The following RNF10 variants were observed in gnomAD, a reference collection of about 807,000 sequenced individuals.
RNF10 encodes the protein E3 ubiquitin-protein ligase RNF10.
Under a neutral mutation model 91.4 loss-of-function variants are expected in RNF10, and 38 were observed. The ratio of observed to expected loss-of-function variants is 0.42; its 90% CI spans 0.32 to 0.54. The LOEUF (loss-of-function observed/expected upper bound fraction) is 0.54, where lower values mean the gene tolerates loss of function less well. Ranked by LOEUF, RNF10 falls within the 20% of genes least tolerant of loss-of-function variation. RNF10 has a pLI of 0.16. For missense variants in RNF10, 945 were observed against 1,012.0 expected, an observed-to-expected ratio of 0.93 and a Z score of 0.90; for synonymous variants, 364 against 366.3, an observed-to-expected ratio of 0.99 and a Z score of 0.07.
At chr12:120,565,767 T>C (rs775976699) in intron 12 of RNF10, among the ~76,000 whole-genome samples, 4 of 152,224 alleles carry the variant, frequency 2.6e-5, no homozygotes, top group East Asian at 3.8e-4. Flanking sequence ...GTGGGTGATA[T>C]ACACCTGTTC....
At chr12:120,552,459 A>G (rs773876210) in intron 2 of RNF10, 40 bp from the exon 3 acceptor site, 19 of 1,549,574 alleles carry the variant, frequency 1.2e-5, no homozygotes, top group Non-Finnish European at 1.6e-5. Context: ...AATCAGTGTC[A>G]TCCTAATCTG....
Position 120,534,604 on chromosome 12 carries a change from T to C in RNF10, c.-208T>C. On this transcript the variant is annotated 5_prime_UTR_variant, in exon 1 of 17. Coordinates refer to ENST00000325954, the MANE Select transcript of RNF10 (RefSeq NM_014868.5). ...CTCCCGAGCCCCGGCCTCCTCGTCC[T>C]CGGTCGCCGCTGCCGCCGGGCTTAA... The C allele has an allele frequency of 8.2e-7, 1 of 1,226,040 alleles. No homozygotes were observed. Among genetic ancestry groups the C allele is most frequent in the East Asian group, 3.4e-5 (1 of 29,362 alleles). The allele number at this position is 1,226,040 out of a possible 1,614,324, so 75.9% of individuals were successfully genotyped here. A position where few individuals can be genotyped will look rare whatever the true frequency, so the allele number is the denominator to read the frequency against.
intron 3 of RNF10, chr12:120,554,432 A>T (rs1254819347): frequency 9.0e-6 from 3 of 334,626 alleles, no homozygotes; most frequent in Non-Finnish European, 1.7e-5. Flanking sequence ...TGTTTGATGG[A>T]GTCACGGTCT....
intron 16 of RNF10, among the ~76,000 whole-genome samples, 189 bp from the exon 17 acceptor site, chr12:120,576,401 C>G (rs1406316424): frequency 2.6e-5 from 4 of 152,168 alleles, no homozygotes; most frequent in Non-Finnish European, 4.4e-5. Flanking sequence ...AACTGAGGTC[C>G]AGGGAGGTAA....
intron 6 of RNF10, among the ~76,000 whole-genome samples, chr12:120,560,041 A>G (rs1020252161): frequency 4.0e-5 from 6 of 151,718 alleles, no homozygotes; most frequent in Admixed American, 1.3e-4. Flanking sequence ...TGGCCTCTCA[A>G]AGTACTGGGA....
chr12:120,555,011 A>G (rs1009049137), intron 4 of RNF10, among the ~76,000 whole-genome samples: 17 of 152,122 alleles, frequency 1.1e-4, no homozygotes, highest in African/African-American at 4.1e-4. Context: ...GGGATGGTGT[A>G]TGAAAGGCTC....
At chr12:120,550,872 A>T (rs1343663032) in intron 2 of RNF10, among the ~76,000 whole-genome samples, 1 of 152,192 alleles carries the variant, frequency 6.6e-6, no homozygotes, top group African/African-American at 2.4e-5. Context: ...CTGGGATTAC[A>T]GGCATGAGCC....
intron 13 of RNF10, among the ~76,000 whole-genome samples, chr12:120,569,607 C>T (rs189878978): frequency 3.4e-4 from 48 of 142,688 alleles, no homozygotes; most frequent in Non-Finnish European, 4.1e-4. Context: ...GGCACAATCT[C>T]GGCTCACTGC....
rs758895236 is a variant in RNF10 at position 120,563,012 on chromosome 12, T to A, written c.1196T>A (p.Leu399Gln). The change falls in exon 8 of 17, where the codon CTG (leucine) becomes CAG (glutamine). Residue 399 changes from leucine (L) to glutamine (Q), a missense_variant. Physicochemically the swap from Leu to Gln is moderately radical, Grantham distance 113. Transcript: ENST00000325954. ...GAGGTCACTGGTGTTGTGGCTGCTC[T>A]GGAACAACTGGTGCTGATGGCTCCC... ...RREVTGVVAA[L>Q]EQLVLMAPLA... 2 of 1,614,040 alleles carry A rather than the reference T, an allele frequency of 1.2e-6. No individual in the cohort carries two copies. The highest frequency in any genetic ancestry group is 1.7e-6 in the Non-Finnish European group (2 of 1,180,016).
chr12:120,576,581 T>G lies in RNF10; in HGVS notation c.2360-9T>G. 6.2e-7 allele frequency: 1 copy of G among 1,612,698 alleles called. No individual in the cohort carries two copies. Among genetic ancestry groups the G allele is most frequent in the South Asian group, 1.1e-5 (1 of 90,836 alleles). ...TTAAGTTAAGCTGTCTTTCTGTGTC[T>G]CCCTTTAGAAGAGAAAGGAGGAAAG... On this transcript the variant is annotated splice_polypyrimidine_tract_variant and intron_variant, in intron 16 of 16. Coordinates refer to ENST00000325954, the MANE Select transcript of RNF10 (RefSeq NM_014868.5).
rs1207401012 is a variant in RNF10, at chr12:120,575,907, C to T, written c.2316C>T (p.Ala772=). 6.2e-6 allele frequency: 10 copies of T among 1,613,950 alleles called. No homozygotes were observed. Among genetic ancestry groups the T allele is most frequent in the Non-Finnish European group, 7.6e-6 (9 of 1,180,022 alleles). The part of the protein sequence containing the change: ...QNSFSQAIEA[A]FMKLDTPATS... The stretch of plus-strand genomic sequence containing the variant: ...CCTTCAGCCAAGCTATTGAAGCAGC[C>T]TTCATGAAACTGGACACACCAGCTA... Residue 772 remains alanine, a synonymous_variant, in exon 16 of 17, where the codon GCC becomes GCT. Coordinates refer to ENST00000325954, the MANE Select transcript of RNF10 (RefSeq NM_014868.5).
At chr12:120,548,961 C>T (rs749505824) in intron 2 of RNF10, among the ~76,000 whole-genome samples, 14 of 152,218 alleles carry the variant, frequency 9.2e-5, no homozygotes, top group East Asian at 1.9e-4. Flanking sequence ...TGAGCCACCG[C>T]GCCCGGCTGA....
intron 13 of RNF10, among the ~76,000 whole-genome samples, chr12:120,567,598 G>C (rs777253684): frequency 7.2e-5 from 11 of 151,962 alleles, no homozygotes; most frequent in Non-Finnish European, 1.0e-4. Context: ...CTACTTGGGA[G>C]GCTGAGGCAA....
rs139168584 is a variant in RNF10, at chr12:120,554,035, G to A, written c.555-683G>A. On this transcript the variant is annotated intron_variant, in intron 3 of 16. Coordinates refer to ENST00000325954, the MANE Select transcript of RNF10 (RefSeq NM_014868.5). The stretch of plus-strand genomic sequence containing the variant: ...TTCTCCTGCCTTAGCCTCCTAAGTA[G>A]CTGGGACTACAGGCGCGTGTCACCA... 570 of 151,786 alleles carry A rather than the reference G, an allele frequency of 3.8e-3. 7 individuals are homozygous for A. The highest frequency in any genetic ancestry group is 0.026 in the East Asian group (134 of 5,154). The allele number at this position is 151,786 out of a possible 1,614,324, so 9.4% of individuals were successfully genotyped here.
intron 10 of RNF10, among the ~76,000 whole-genome samples, chr12:120,564,480 C>G (rs1293618865): frequency 1.3e-5 from 2 of 152,104 alleles, no homozygotes; most frequent in African/African-American, 2.4e-5. Flanking sequence ...AAAAAATTAG[C>G]TGGGTATGAT....
At chr12:120,547,752 T>G (rs1000911089) in intron 2 of RNF10, among the ~76,000 whole-genome samples, 1 of 152,116 alleles carries the variant, frequency 6.6e-6, no homozygotes, top group African/African-American at 2.4e-5. Flanking sequence ...AGGAAAGGGA[T>G]CAGATCATGT....
intron 14 of RNF10, chr12:120,574,821 G>C: frequency 4.2e-6 from 1 of 238,982 alleles, no homozygotes. Context: ...AGCTACTCAG[G>C]AGGATGAGGC....
chr12:120,569,977 C>A (rs1025422142), intron 13 of RNF10, among the ~76,000 whole-genome samples: 1 of 152,160 alleles, frequency 6.6e-6, no homozygotes, highest in East Asian at 1.9e-4. Context: ...ACTGCAACTT[C>A]CCCCTCGCGG....
At chr12:120,559,534 A>C (rs889799353) in intron 6 of RNF10, among the ~76,000 whole-genome samples, 1 of 151,728 alleles carries the variant, frequency 6.6e-6, no homozygotes, top group East Asian at 1.9e-4. Context: ...ACAGGCACGC[A>C]CCACCACACC....
Sources: gnomAD v4.1 joint callset for allele counts (sites outside exome capture counted in the v4.1 genomes callset) on GRCh38, gnomAD v4.1.1 for gene constraint, MANE v1.5 for transcripts, NCBI Gene and HGNC (gene_info 2026-07-23, HGNC 2026-07-21) for gene names.